Variants in KBTBD6 observed in about 807,000 individuals in gnomAD.
KBTBD6 encodes the protein kelch repeat and BTB domain containing 6.
A neutral mutation model predicts 34.4 loss-of-function variants in KBTBD6; 6 were observed. The ratio of observed to expected loss-of-function variants is 0.17; its 90% confidence interval spans 0.10 to 0.34. The LOEUF is 0.34. Ranked by LOEUF, KBTBD6 falls within the 10% of genes least tolerant of loss-of-function variation. The pLI is 1.00. For synonymous variants in KBTBD6, 288 were observed against 327.2 expected, an observed-to-expected ratio of 0.88 and a Z score of 1.29; for missense variants, 557 against 856.0, an observed-to-expected ratio of 0.65 and a Z score of 4.36.
chr13:41,131,871 A>G lies in KBTBD6; in HGVS notation c.641T>C (p.Leu214Pro), dbSNP rs199982835. The change falls in exon 1 of 1, where the codon CTA becomes CCA. Residue 214 changes from leucine (L) to proline (P), a missense_variant. Transcript: ENST00000379485. The surrounding 1 kb of genome is among the most constrained non-coding windows in gnomAD (Gnocchi z 5.8). ...SHMGSIREET[L>P]ADLTLAQLLA... ...CAGCTGGGCCAGGGTCAGATCTGCTAGAGTCTCCTCCCGAATTGAACCCAT... is the reference window on the plus strand; with the variant it reads ...CAGCTGGGCCAGGGTCAGATCTGCTGGAGTCTCCTCCCGAATTGAACCCAT... The G allele has an allele frequency of 1.9e-6, 3 of 1,614,264 alleles. No homozygotes were observed. The highest frequency in any genetic ancestry group is 4.5e-5 in the East Asian group (2 of 44,882).
Position 41,132,046 on chromosome 13 carries a change from C to G in KBTBD6, c.466G>C (p.Val156Leu), listed in dbSNP as rs755584832. The change falls in exon 1 of 1, where the codon GTG becomes CTG. Residue 156 changes from valine (V) to leucine (L), a missense_variant. Val to Leu is a conservative substitution (Grantham distance 32). Coordinates refer to ENST00000379485, the MANE Select transcript of KBTBD6 (RefSeq NM_152903.5). ...AASDMLQLEY[V>L]REACASFLAR... ...AAGAAGGAGGCACAGGCTTCCCGCA[C>G]ATATTCCAGCTGTAGCATGTCGGAG... 1 of 1,614,262 alleles carries G rather than the reference C, an allele frequency of 6.2e-7. No homozygotes were observed. The highest frequency in any genetic ancestry group is 1.1e-5 in the South Asian group (1 of 91,090).
At position 41,132,704 on chromosome 13, in the gene KBTBD6, T is replaced by C. The variant is rs2030134093; in HGVS notation, c.-193A>G. The C allele has an allele frequency of 1.5e-6, 1 of 669,218 alleles. No homozygotes were observed. Among genetic ancestry groups the C allele is most frequent in the Admixed American group, 3.0e-5 (1 of 33,324 alleles). The allele number at this position is 669,218 out of a possible 1,614,324, so 41.5% of individuals were successfully genotyped here. A position where few individuals can be genotyped will look rare whatever the true frequency, so the allele number is the denominator to read the frequency against. On this transcript the variant is annotated 5_prime_UTR_variant, in exon 1 of 1. Coordinates refer to ENST00000379485, the MANE Select transcript of KBTBD6 (RefSeq NM_152903.5). ...CGTTTAGACAGTGGCTGACTCACCCTCTCTCACTCCCGCGTCCTTTCTCCG... is the reference window on the plus strand; with the variant it reads ...CGTTTAGACAGTGGCTGACTCACCCCCTCTCACTCCCGCGTCCTTTCTCCG...
chr13:41,131,755 C>G lies in KBTBD6; in HGVS notation c.757G>C (p.Glu253Gln). The change falls in exon 1 of 1, where the codon GAG becomes CAG. Residue 253 changes from glutamate to glutamine, a missense_variant. Coordinates refer to ENST00000379485, the MANE Select transcript of KBTBD6 (RefSeq NM_152903.5). This position sits in a 1 kb window ranked among gnomAD's most constrained non-coding sequence, Gnocchi z 5.8. ...ACTTCTGCAGCACTGGGACCCCGCT[C>G]TTTGGGAGCAGCCTCCAGCCACTGC... ...AVQWLEAAPK[E>Q]RGPSAAEVFK... 6.2e-7 allele frequency: 1 copy of G among 1,614,274 alleles called. No individual in the cohort carries two copies. Among genetic ancestry groups the G allele is most frequent in the Non-Finnish European group, 8.5e-7 (1 of 1,180,050 alleles).
In KBTBD6 at chr13:41,131,623, C is replaced by T. The variant is rs772975373; in HGVS notation, c.889G>A (p.Gly297Arg). 2 of 1,613,534 alleles carry T rather than the reference C, an allele frequency of 1.2e-6. No individual in the cohort carries two copies. The highest frequency in any genetic ancestry group is 1.7e-4 in the Middle Eastern group (1 of 6,060). ...VKKYCLDVIE[G>R]ALQMRYGDLL... Reference sequence around the variant, plus strand: ...TCACCATAGCGCATCTGCAGGGCCCCTTCAATAACGTCCAGGCAGTACTTC... The same window carrying T: ...TCACCATAGCGCATCTGCAGGGCCCTTTCAATAACGTCCAGGCAGTACTTC... Residue 297 changes from glycine (G) to arginine (R), a missense_variant, in exon 1 of 1, where the codon GGG becomes AGG. Transcript: ENST00000379485. The surrounding 1 kb of genome is among the most constrained non-coding windows in gnomAD (Gnocchi z 5.8).
At position 41,131,243 on chromosome 13, in the gene KBTBD6, C is replaced by G. The variant is rs2030084932; in HGVS notation, c.1269G>C (p.Leu423=). ...NSWQQLADRL[L]CREGMDVAYL... is the part of the protein sequence containing the mutation. ...ATGCCACATCCATGCCCTCACGACA[C>G]AGCAAGCGATCTGCAAGTTGCTGCC... Residue 423 remains leucine, a synonymous_variant, in exon 1 of 1, where the codon CTG becomes CTC. Transcript: ENST00000379485. The surrounding 1 kb of genome is among the most constrained non-coding windows in gnomAD (Gnocchi z 5.8). The G allele has an allele frequency of 6.2e-7, 1 of 1,614,182 alleles. No individual in the cohort carries two copies. Among genetic ancestry groups the G allele is most frequent in the Non-Finnish European group, 8.5e-7 (1 of 1,180,030 alleles).
rs760650326 is a variant in KBTBD6, at chr13:41,130,866, T to C, written c.1646A>G (p.Asn549Ser). 2 of 1,614,152 alleles carry C rather than the reference T, an allele frequency of 1.2e-6. No homozygotes were observed. The highest frequency in any genetic ancestry group is 1.7e-6 in the Non-Finnish European group (2 of 1,179,984). ...PVRAEWRQMN[N>S]IPLVSETNNY... Reference sequence around the variant, plus strand: ...GTTGGTCTCTGAGACCAAGGGAATATTATTCATTTGCCTCCATTCTGCCCT... The same window carrying C: ...GTTGGTCTCTGAGACCAAGGGAATACTATTCATTTGCCTCCATTCTGCCCT... Residue 549 changes from asparagine (N) to serine (S), a missense_variant, in exon 1 of 1, where the codon AAT (asparagine) becomes AGT (serine). By Grantham distance (46) the Asn-to-Ser change is conservative (BLOSUM62 1). Coordinates refer to ENST00000379485, the MANE Select transcript of KBTBD6 (RefSeq NM_152903.5). This position sits in a 1 kb window ranked among gnomAD's most constrained non-coding sequence, Gnocchi z 4.8.
At position 41,132,542 on chromosome 13, in the gene KBTBD6, G is replaced by C. The variant is rs778855761; in HGVS notation, c.-31C>G. On this transcript the variant is annotated 5_prime_UTR_variant, in exon 1 of 1. Coordinates refer to ENST00000379485, the MANE Select transcript of KBTBD6 (RefSeq NM_152903.5). ...AGATGGCGACGGGCGCTGATGGCGA[G>C]AAACGCTGCAGGACCCGGCTCTGGC... 2 of 1,601,286 alleles carry C rather than the reference G, an allele frequency of 1.2e-6. No homozygotes were observed. The highest frequency in any genetic ancestry group is 8.5e-7 in the Non-Finnish European group (1 of 1,171,924).
In KBTBD6 at chr13:41,130,835, G is replaced by A. The variant is rs1478989070; in HGVS notation, c.1677C>T (p.Tyr559=). Residue 559 remains tyrosine (Y), a synonymous_variant, in exon 1 of 1, where the codon TAC becomes TAT. Coordinates refer to ENST00000379485, the MANE Select transcript of KBTBD6 (RefSeq NM_152903.5). The surrounding 1 kb of genome is among the most constrained non-coding windows in gnomAD (Gnocchi z 4.8). ...ATTTTTGGCCATGCTTGATAATTCTGTAGTTGTTGGTCTCTGAGACCAAGG... is the reference window on the plus strand; with the variant it reads ...ATTTTTGGCCATGCTTGATAATTCTATAGTTGTTGGTCTCTGAGACCAAGG... ...NIPLVSETNN[Y]RIIKHGQKLL... The A allele has an allele frequency of 2.5e-6, 4 of 1,614,062 alleles. No homozygotes were observed. In the Admixed American group the frequency reaches 5.0e-5, roughly 20 times the overall value.
In KBTBD6 at chr13:41,129,539, A is replaced by G. The variant is rs1305725392; in HGVS notation, c.*948T>C. The G allele has an allele frequency of 1.3e-5, 2 of 152,134 alleles. No homozygotes were observed. Among genetic ancestry groups the G allele is most frequent in the Non-Finnish European group, 2.9e-5 (2 of 68,018 alleles). 9.4% of individuals were successfully genotyped at this position (152,134 alleles called of 1,614,324 possible). On this transcript the variant is annotated 3_prime_UTR_variant, in exon 1 of 1. Coordinates refer to ENST00000379485, the MANE Select transcript of KBTBD6 (RefSeq NM_152903.5). ...ATTAAAACGAAACTTCTTTTCAAAC[A>G]GTAGAATCCTGGTTTGTTGTTTTTA... is the stretch of plus-strand genomic sequence containing the variant.
chr13:41,130,894 C>G lies in KBTBD6; in HGVS notation c.1618G>C (p.Val540Leu). ...TTCATTTGCCTCCATTCTGCCCTAACTGGGTTGTAGACCTTCATGACTGGG... is the reference window on the plus strand; with the variant it reads ...TTCATTTGCCTCCATTCTGCCCTAAGTGGGTTGTAGACCTTCATGACTGGG... Reference protein sequence around the residue: ...DIPVMKVYNPVRAEWRQMNNI... With the variant: ...DIPVMKVYNPLRAEWRQMNNI... Residue 540 changes from valine (V) to leucine (L), a missense_variant, in exon 1 of 1, where the codon GTT (valine) becomes CTT (leucine). By Grantham distance (32) the Val-to-Leu change is conservative (BLOSUM62 1). Around this residue, in one of 4 missense-constraint regions of KBTBD6, gnomAD observed 309 missense variants for 504.5 expected, o/e 0.61. Coordinates refer to ENST00000379485, the MANE Select transcript of KBTBD6 (RefSeq NM_152903.5). The surrounding 1 kb of genome is among the most constrained non-coding windows in gnomAD (Gnocchi z 4.8). 1.2e-6 allele frequency: 2 copies of G among 1,614,174 alleles called. No homozygotes were observed. Among genetic ancestry groups the G allele is most frequent in the Non-Finnish European group, 1.7e-6 (2 of 1,180,020 alleles).
In KBTBD6 at chr13:41,132,080, C is replaced by T. The variant is rs2030111700; in HGVS notation, c.432G>A (p.Leu144=). ...GCTGTAGCATGTCGGAGGCCGCGTA[C>T]AGGCGCTCCACGTTGGCCTCACTGA... is the stretch of plus-strand genomic sequence containing the variant. The part of the protein sequence containing the change: ...VSLSEANVER[L]YAASDMLQLE... The change falls in exon 1 of 1, where the codon CTG becomes CTA. Residue 144 remains leucine (L), a synonymous_variant. Transcript: ENST00000379485. 1 of 1,614,230 alleles carries T rather than the reference C, an allele frequency of 6.2e-7. No individual in the cohort carries two copies. The highest frequency in any genetic ancestry group is 8.5e-7 in the Non-Finnish European group (1 of 1,180,054).
chr13:41,127,661 C>A lies in KBTBD6; in HGVS notation c.*2826G>T, dbSNP rs990954922. 6 of 152,334 alleles carry A rather than the reference C, an allele frequency of 3.9e-5. No homozygotes were observed. Among genetic ancestry groups the A allele is most frequent in the South Asian group, 4.1e-4 (2 of 4,832 alleles). The allele number at this position is 152,334 out of a possible 1,614,324, so 9.4% of individuals were successfully genotyped here. On this transcript the variant is annotated 3_prime_UTR_variant, in exon 1 of 1. Coordinates refer to ENST00000379485, the MANE Select transcript of KBTBD6 (RefSeq NM_152903.5). The stretch of plus-strand genomic sequence containing the variant: ...TCTATTCCTTAATTCACAGAAATAT[C>A]ACAAAACCAAAATCCTTCCCACGAT...
In KBTBD6 at chr13:41,130,341, C is replaced by T. The variant is rs556151277; in HGVS notation, c.*146G>A. On this transcript the variant is annotated 3_prime_UTR_variant, in exon 1 of 1. Coordinates refer to ENST00000379485, the MANE Select transcript of KBTBD6 (RefSeq NM_152903.5). This position sits in a 1 kb window ranked among gnomAD's most constrained non-coding sequence, Gnocchi z 4.8. ...CATTAAATTACCTTCGTATTTCAAA[C>T]ATTACTTTTTCTAAACCAAACCAGA... 5 of 585,234 alleles carry T rather than the reference C, an allele frequency of 8.5e-6. No individual in the cohort carries two copies. The highest frequency in any genetic ancestry group is 3.7e-5 in the African/African-American group (2 of 53,522). 36.3% of individuals were successfully genotyped at this position (585,234 alleles called of 1,614,324 possible). A position where few individuals can be genotyped will look rare whatever the true frequency, so the allele number is the denominator to read the frequency against.
rs772314754 is a variant in KBTBD6, at chr13:41,131,204, A to G, written c.1308T>C (p.Tyr436=). Residue 436 remains tyrosine, a synonymous_variant, in exon 1 of 1, where the codon TAT becomes TAC. Coordinates refer to ENST00000379485, the MANE Select transcript of KBTBD6 (RefSeq NM_152903.5). This position sits in a 1 kb window ranked among gnomAD's most constrained non-coding sequence, Gnocchi z 5.8. ...EGMDVAYLNG[Y]IYILGGRDPI... ...GGTCTCGCCCCCCCAAAATGTAGAT[A>G]TAGCCATTGAGATATGCCACATCCA... 2.7e-5 allele frequency: 43 copies of G among 1,614,024 alleles called. No homozygotes were observed. The highest frequency in any genetic ancestry group is 3.3e-5 in the Non-Finnish European group (39 of 1,180,004).
chr13:41,130,557 G>C lies in KBTBD6; in HGVS notation c.1955C>G (p.Pro652Arg), dbSNP rs1453267906. 3 of 1,614,020 alleles carry C rather than the reference G, an allele frequency of 1.9e-6. No individual in the cohort carries two copies. Among genetic ancestry groups the C allele is most frequent in the Non-Finnish European group, 2.5e-6 (3 of 1,180,034 alleles). The part of the protein sequence containing the change: ...TEWDLGGFSE[P>R]DSESGSSSSL... ...ACTTGAACTTCCTGACTCAGAGTCT[G>C]GCTCACTGAATCCACCTAAGTCCCA... is the stretch of plus-strand genomic sequence containing the variant. The change falls in exon 1 of 1, where the codon CCA becomes CGA. Residue 652 changes from proline to arginine, a missense_variant. By Grantham distance (103) the Pro-to-Arg change is moderately radical. This residue lies in a region of KBTBD6 where 309 missense variants were observed against 504.5 expected (regional missense o/e 0.61). Coordinates refer to ENST00000379485, the MANE Select transcript of KBTBD6 (RefSeq NM_152903.5). The surrounding 1 kb of genome is among the most constrained non-coding windows in gnomAD (Gnocchi z 4.8).
Position 41,131,682 on chromosome 13 carries a change from T to C in KBTBD6, c.830A>G (p.Tyr277Cys). The C allele has an allele frequency of 6.2e-7, 1 of 1,614,164 alleles. No individual in the cohort carries two copies. Among genetic ancestry groups the C allele is most frequent in the Non-Finnish European group, 8.5e-7 (1 of 1,179,990 alleles). ...WMHFTEEDQD[Y>C]LEGLLTKPIV... is the part of the protein sequence containing the mutation. ...GGGCTTGGTCAGCAGCCCTTCTAAG[T>C]AGTCCTGATCTTCTTCAGTGAAGTG... is the stretch of plus-strand genomic sequence containing the variant. Residue 277 changes from tyrosine (Y) to cysteine (C), a missense_variant, in exon 1 of 1, where the codon TAC becomes TGC. By Grantham distance (194) the Tyr-to-Cys change is radical. Transcript: ENST00000379485. This position sits in a 1 kb window ranked among gnomAD's most constrained non-coding sequence, Gnocchi z 5.8.
chr13:41,131,816 G>C lies in KBTBD6; in HGVS notation c.696C>G (p.Asp232Glu). ...GGCACACTGTCTGCTCACTCTCCAC[G>C]TCCAGACTATCCAAGCGCAGGACAG... Reference protein sequence around the residue: ...LLAVLRLDSLDVESEQTVCHV... With the variant: ...LLAVLRLDSLEVESEQTVCHV... Residue 232 changes from aspartate to glutamate, a missense_variant, in exon 1 of 1, where the codon GAC becomes GAG. Transcript: ENST00000379485. This position sits in a 1 kb window ranked among gnomAD's most constrained non-coding sequence, Gnocchi z 5.8. 6.2e-7 allele frequency: 1 copy of C among 1,614,240 alleles called. No homozygotes were observed. Among genetic ancestry groups the C allele is most frequent in the Non-Finnish European group, 8.5e-7 (1 of 1,180,040 alleles).
At position 41,132,502 on chromosome 13, in the gene KBTBD6, G is replaced by A. The variant is rs1400539783; in HGVS notation, c.10C>T (p.Arg4Trp). Residue 4 changes from arginine (R) to tryptophan (W), a missense_variant, in exon 1 of 1, where the codon CGG becomes TGG. This residue lies in a region of KBTBD6 where 40 missense variants were observed against 39.9 expected (regional missense o/e 1.00). Transcript: ENST00000379485. ...CGGCGAGAGCGCGGGGCGTCTTCCC[G>A]GGACTGCATGGTGGAGATGGCGACG... MQS[R>W]EDAPRSRRLA... 3 of 1,613,464 alleles carry A rather than the reference G, an allele frequency of 1.9e-6. No homozygotes were observed. Among genetic ancestry groups the A allele is most frequent in the Non-Finnish European group, 1.7e-6 (2 of 1,179,526 alleles).
At position 41,130,916 on chromosome 13, in the gene KBTBD6, T is replaced by C. The variant is rs2138516882; in HGVS notation, c.1596A>G (p.Pro532=). 1.2e-6 allele frequency: 2 copies of C among 1,614,184 alleles called. No individual in the cohort carries two copies. Among genetic ancestry groups the C allele is most frequent in the South Asian group, 2.2e-5 (2 of 91,084 alleles). Residue 532 remains proline, a synonymous_variant, in exon 1 of 1, where the codon CCA becomes CCG. Transcript: ENST00000379485. This position sits in a 1 kb window ranked among gnomAD's most constrained non-coding sequence, Gnocchi z 4.8. The part of the protein sequence containing the change: ...NEEIYCICDI[P]VMKVYNPVRA... ...TAACTGGGTTGTAGACCTTCATGAC[T>C]GGGATATCACAGATACAATAGATCT...
Sources: gnomAD v4.1 joint callset for allele counts on GRCh38, gnomAD v4.1.1 for gene constraint, gnomAD v4.1.1 regional missense constraint, Gnocchi (gnomAD v3.1) non-coding constraint, MANE v1.5 for transcripts, NCBI Gene and HGNC (gene_info 2026-07-23, HGNC 2026-07-21) for gene names.